The following AKAP10 variants were observed in gnomAD, a reference collection of about 807,000 sequenced individuals.
AKAP10 encodes A-kinase anchor protein 10, mitochondrial.
AKAP10 carries 24 observed loss-of-function variants against 80.8 expected under a neutral mutation model. The observed-to-expected ratio is 0.30, with a 90% CI of 0.22 to 0.42. AKAP10 has a LOEUF of 0.42. AKAP10 is among the 10% of genes least tolerant of loss of function. AKAP10 has a pLI of 1.00. For missense variants in AKAP10, 661 were observed against 794.9 expected, an observed-to-expected ratio of 0.83 and a Z score of 2.03; for synonymous variants, 291 against 277.7, an observed-to-expected ratio of 1.05 and a Z score of -0.48.
At chr17:19,938,229 G>GA (rs2152414009) in intron 8 of AKAP10, among the ~76,000 whole-genome samples, 1 of 110,532 alleles carries the variant, frequency 9.0e-6, no homozygotes, top group East Asian at 3.4e-4. Context: ...TACCCAGACT[G>GA]AAAACCTATT....
chr17:19,909,877 G>C (rs764949322), intron 13 of AKAP10, 49 bp downstream of exon 13: 15 of 1,570,742 alleles, frequency 9.5e-6, no homozygotes, highest in Non-Finnish European at 1.2e-5. Context: ...ACTTACATGA[G>C]GGTGGCACTT....
intron 4 of AKAP10, among the ~76,000 whole-genome samples, chr17:19,954,250 G>GAC (rs1325820653): frequency 6.6e-6 from 1 of 152,084 alleles, no homozygotes; most frequent in Non-Finnish European, 1.5e-5. Context: ...CAAAGGAATA[G>GAC]ACACACACAT....
At chr17:19,968,323 G>T in intron 2 of AKAP10, 91 bp downstream of exon 2, 1 of 975,126 alleles carries the variant, frequency 1.0e-6, no homozygotes, top group Non-Finnish European at 1.6e-6. Context: ...AATGATTAAT[G>T]CCAAAAGAGA....
intron 10 of AKAP10, among the ~76,000 whole-genome samples, chr17:19,927,905 C>T (rs1371401345): frequency 2.0e-5 from 3 of 148,328 alleles, no homozygotes; most frequent in Non-Finnish European, 4.5e-5. Context: ...AGCAAGACTC[C>T]TTCTCAAAAA....
At chr17:19,957,246 A>C (rs1183766557) in intron 4 of AKAP10, among the ~76,000 whole-genome samples, 1 of 151,852 alleles carries the variant, frequency 6.6e-6, no homozygotes, top group Non-Finnish European at 1.5e-5. Context: ...TCTCATGTGT[A>C]AATAAGATAA....
At position 19,931,804 on chromosome 17, in the gene AKAP10, C is replaced by T; in HGVS notation, c.1641+1G>A. ...TAATGGCAGACGCAATCAGTCAATA[C>T]CTGAGACGCAGAGCTGTCAGAACTC... On this transcript the variant is annotated splice_donor_variant, in intron 10 of 14. Transcript: ENST00000225737. LOFTEE classifies it high-confidence loss of function. The T allele has an allele frequency of 6.2e-7, 1 of 1,612,406 alleles. No homozygotes were observed. The highest frequency in any genetic ancestry group is 8.5e-7 in the Non-Finnish European group (1 of 1,179,548).
intron 1 of AKAP10, among the ~76,000 whole-genome samples, chr17:19,972,509 G>A (rs1431118663): frequency 6.6e-6 from 1 of 152,190 alleles, no homozygotes; most frequent in Admixed American, 6.5e-5. Flanking sequence ...AGGCTGGAGT[G>A]CAGTGGCGCG....
At chr17:19,948,732 G>A (rs2043165012) in intron 4 of AKAP10, among the ~76,000 whole-genome samples, 1 of 152,100 alleles carries the variant, frequency 6.6e-6, no homozygotes, top group Non-Finnish European at 1.5e-5. Flanking sequence ...CGAGTTGTAT[G>A]TGCACTCCCG....
At chr17:19,955,308 T>C (rs2043262914) in intron 4 of AKAP10, among the ~76,000 whole-genome samples, 1 of 151,752 alleles carries the variant, frequency 6.6e-6, no homozygotes, top group African/African-American at 2.4e-5. Flanking sequence ...GGGATAGAGG[T>C]GGGGCTTGAC....
intron 2 of AKAP10, among the ~76,000 whole-genome samples, chr17:19,966,786 T>C (rs1024317259): frequency 3.3e-5 from 4 of 122,874 alleles, no homozygotes; most frequent in African/African-American, 1.2e-4. Context: ...AGTGGAAGAC[T>C]GGTGTTCTCA....
At chr17:19,976,817 T>C (rs532267241) in intron 1 of AKAP10, among the ~76,000 whole-genome samples, 34 of 152,324 alleles carry the variant, frequency 2.2e-4, no homozygotes, top group African/African-American at 7.7e-4. Flanking sequence ...GCGCCCGGCC[T>C]CTGTCTGGTA....
At chr17:19,969,339 C>T (rs371485951) in intron 1 of AKAP10, among the ~76,000 whole-genome samples, 44 of 151,960 alleles carry the variant, frequency 2.9e-4, no homozygotes, top group African/African-American at 9.9e-4. Context: ...AGAGAGACTC[C>T]GTCTAAAAAA....
At position 19,920,085 on chromosome 17, in the gene AKAP10, C is replaced by G. The variant is rs2042793801; in HGVS notation, c.1785G>C (p.Gly595=). The stretch of plus-strand genomic sequence containing the variant: ...CAGGCTCAGATTCTCGGATGAATTG[C>G]CCCAAGTCACTGACTCTTCCAAATG... ...KMTFGRVSDL[G]QFIRESEPEP... is the part of the protein sequence containing the mutation. Residue 595 remains glycine (G), a synonymous_variant, in exon 12 of 15, where the codon GGG becomes GGC. Coordinates refer to ENST00000225737, the MANE Select transcript of AKAP10 (RefSeq NM_007202.4). The G allele has an allele frequency of 6.2e-7, 1 of 1,613,170 alleles. No homozygotes were observed. The highest frequency in any genetic ancestry group is 1.3e-5 in the African/African-American group (1 of 74,902).
chr17:19,967,959 G>C (rs1312853375), intron 2 of AKAP10: 1 of 152,490 alleles, frequency 6.6e-6, no homozygotes, highest in Non-Finnish European at 1.5e-5. Context: ...CCAGCACTTT[G>C]GGAGGCCGAG....
intron 2 of AKAP10, among the ~76,000 whole-genome samples, chr17:19,963,568 A>G (rs114511808): frequency 0.067 from 10,190 of 152,102 alleles, 1,008 homozygotes; most frequent in African/African-American, 0.22. Flanking sequence ...CTAAAATTGC[A>G]GAATAAATGC....
At chr17:19,953,830 G>A (rs994290356) in intron 4 of AKAP10, among the ~76,000 whole-genome samples, 3 of 152,052 alleles carry the variant, frequency 2.0e-5, no homozygotes, top group Non-Finnish European at 4.4e-5. Flanking sequence ...TCACAAGTTC[G>A]AGACCAGCTT....
chr17:19,906,575 T>G (rs2042633553), intron 14 of AKAP10, among the ~76,000 whole-genome samples: 1 of 152,186 alleles, frequency 6.6e-6, no homozygotes, highest in Admixed American at 6.5e-5. Flanking sequence ...TAGAGCATAT[T>G]CAAGAGGGAT....
At chr17:19,947,362 A>AT (rs780944166) in intron 5 of AKAP10, 45 bp downstream of exon 5, 9 of 1,450,166 alleles carry the variant, frequency 6.2e-6, no homozygotes, top group Non-Finnish European at 8.6e-6. Flanking sequence ...AGTTCTGTGC[A>AT]TTTTTTGTCA....
intron 1 of AKAP10, among the ~76,000 whole-genome samples, chr17:19,975,062 T>C (rs2043547892): frequency 6.6e-6 from 1 of 152,172 alleles, no homozygotes; most frequent in Non-Finnish European, 1.5e-5. Flanking sequence ...GGTCTCACTT[T>C]GTCATCCAGG....
Sources: gnomAD v4.1 joint callset for allele counts (sites outside exome capture counted in the v4.1 genomes callset) on GRCh38, gnomAD v4.1.1 for gene constraint, MANE v1.5 for transcripts, NCBI Gene and HGNC (gene_info 2026-07-23, HGNC 2026-07-21) for gene names.